Variants in PDE4B observed in about 807,000 individuals in gnomAD.
PDE4B encodes the protein phosphodiesterase 4B, also known as 3',5'-cyclic-AMP phosphodiesterase 4B.
A neutral mutation model predicts 82.2 loss-of-function variants in PDE4B; 20 were observed. That is an observed-to-expected ratio of 0.24 (90% confidence interval 0.17 to 0.35). The LOEUF (loss-of-function observed/expected upper bound fraction) is 0.35. Ranked by LOEUF, PDE4B falls within the 10% of genes least tolerant of loss-of-function variation. The pLI is 1.00. For missense variants in PDE4B, 655 were observed against 907.2 expected, an observed-to-expected ratio of 0.72 and a Z score of 3.57; for synonymous variants, 320 against 318.9, an observed-to-expected ratio of 1.00 and a Z score of -0.04.
intron 3 of PDE4B, among the ~76,000 whole-genome samples, chr1:65,999,467 G>T (rs1651740066): frequency 7.2e-5 from 11 of 152,050 alleles, no homozygotes; most frequent in Admixed American, 7.2e-4. Context: ...TTTGCACTTG[G>T]TTTTCTTCTG....
At chr1:66,185,169 C>T (rs190451023) in intron 3 of PDE4B, among the ~76,000 whole-genome samples, 5 of 152,318 alleles carry the variant, frequency 3.3e-5, no homozygotes, top group African/African-American at 1.2e-4. Flanking sequence ...AGGACATGAA[C>T]TCATCGTTTT....
intron 1 of PDE4B, among the ~76,000 whole-genome samples, chr1:65,852,660 G>GT (rs1235097535): frequency 6.6e-6 from 1 of 151,944 alleles, no homozygotes; most frequent in East Asian, 1.9e-4. Flanking sequence ...TTTTTATTCA[G>GT]TTTAATATGT....
At chr1:66,322,925 A>G (rs1659509590) in intron 7 of PDE4B, among the ~76,000 whole-genome samples, 1 of 152,116 alleles carries the variant, frequency 6.6e-6, no homozygotes, top group African/African-American at 2.4e-5. Context: ...AAATTGAGTA[A>G]CTCAAATGGC....
At chr1:65,813,678 A>G (rs1377741468) in intron 1 of PDE4B, among the ~76,000 whole-genome samples, 1 of 152,152 alleles carries the variant, frequency 6.6e-6, no homozygotes, top group Non-Finnish European at 1.5e-5. Flanking sequence ...GAGATAGGTA[A>G]ATTAAGACCT....
intron 8 of PDE4B, among the ~76,000 whole-genome samples, chr1:66,346,579 A>G (rs993001914): frequency 1.3e-5 from 2 of 152,194 alleles, no homozygotes; most frequent in Admixed American, 6.5e-5. Flanking sequence ...TCAACCAGAG[A>G]GTCTGAACTT....
intron 3 of PDE4B, among the ~76,000 whole-genome samples, chr1:66,172,274 C>T (rs758763822): frequency 3.9e-5 from 6 of 152,176 alleles, no homozygotes; most frequent in Non-Finnish European, 8.8e-5. Flanking sequence ...CCGCAAAGGA[C>T]ATGACTTCAT....
intron 3 of PDE4B, among the ~76,000 whole-genome samples, chr1:66,218,534 C>A (rs1650693927): frequency 2.6e-5 from 4 of 152,086 alleles, no homozygotes; most frequent in Admixed American, 2.6e-4. Flanking sequence ...TTAATGATCT[C>A]ATTTCATTCT....
intron 3 of PDE4B, among the ~76,000 whole-genome samples, chr1:66,037,003 G>A (rs887948750): frequency 4.6e-5 from 7 of 151,478 alleles, no homozygotes; most frequent in African/African-American, 7.3e-5. Flanking sequence ...GTATGGTGGC[G>A]TGACCTGTAG....
chr1:65,915,203 C>T (rs2100465400), intron 2 of PDE4B, among the ~76,000 whole-genome samples: 1 of 152,122 alleles, frequency 6.6e-6, no homozygotes, highest in Middle Eastern at 3.4e-3. Context: ...GAGATTGTTT[C>T]AAAGAAGGGA....
intron 3 of PDE4B, among the ~76,000 whole-genome samples, chr1:66,022,350 AG>A (rs1463355390): frequency 6.6e-6 from 1 of 152,206 alleles, no homozygotes; most frequent in Non-Finnish European, 1.5e-5. Flanking sequence ...ACTGTTGAAT[AG>A]GAGTGGTGAG....
intron 8 of PDE4B, among the ~76,000 whole-genome samples, chr1:66,350,108 A>C (rs1296357339): frequency 6.6e-6 from 1 of 151,980 alleles, no homozygotes; most frequent in Non-Finnish European, 1.5e-5. Flanking sequence ...CACTGAAGGC[A>C]TTCTGTGCCT....
At chr1:65,985,258 A>G (rs895889994) in intron 3 of PDE4B, among the ~76,000 whole-genome samples, 1 of 152,190 alleles carries the variant, frequency 6.6e-6, no homozygotes, top group Non-Finnish European at 1.5e-5. Flanking sequence ...ACTTAAACAC[A>G]TAATGGATCT....
chr1:66,330,155 G>A (rs1660004603), intron 7 of PDE4B, among the ~76,000 whole-genome samples: 1 of 152,206 alleles, frequency 6.6e-6, no homozygotes, highest in Admixed American at 6.5e-5. Context: ...TTTGGAAAGT[G>A]ATACTCTAGC....
chr1:66,097,569 A>C (rs1408208173), intron 3 of PDE4B, among the ~76,000 whole-genome samples: 2 of 152,004 alleles, frequency 1.3e-5, no homozygotes, highest in Non-Finnish European at 2.9e-5. Context: ...TATCATGGCA[A>C]TACAATGCAT....
At chr1:65,858,586 T>C (rs4310420) in intron 1 of PDE4B, among the ~76,000 whole-genome samples, 20,453 of 152,202 alleles carry the variant, frequency 0.13, 1,453 homozygotes, top group South Asian at 0.17. Context: ...TATACAGCAA[T>C]TGGAAATTAG....
At chr1:65,835,110 C>T (rs944579975) in intron 1 of PDE4B, among the ~76,000 whole-genome samples, 1 of 152,092 alleles carries the variant, frequency 6.6e-6, no homozygotes, top group Non-Finnish European at 1.5e-5. Context: ...AATAATAGGA[C>T]AAGCAGGAAT....
chr1:66,090,961 C>G (rs957152242), intron 3 of PDE4B, among the ~76,000 whole-genome samples: 1 of 151,824 alleles, frequency 6.6e-6, no homozygotes, highest in African/African-American at 2.4e-5. Flanking sequence ...GTAGCTGTCA[C>G]CACACCCCTT....
intron 3 of PDE4B, among the ~76,000 whole-genome samples, chr1:66,186,278 A>G (rs1001254929): frequency 3.3e-5 from 5 of 152,162 alleles, no homozygotes; most frequent in Admixed American, 6.5e-5. Context: ...TGATGCCTCC[A>G]GCTTTGTTCT....
chr1:66,271,755 C>G (rs1395261133), intron 7 of PDE4B, among the ~76,000 whole-genome samples: 1 of 152,078 alleles, frequency 6.6e-6, no homozygotes, highest in Non-Finnish European at 1.5e-5. Flanking sequence ...GGGAGGTACC[C>G]CACTTTTAAA....
Sources: allele counts gnomAD v4.1 joint callset (sites outside exome capture counted in the v4.1 genomes callset), GRCh38; gene constraint gnomAD v4.1.1; transcripts MANE v1.5; gene names NCBI Gene and HGNC (gene_info 2026-07-23, HGNC 2026-07-21).